Variants in BRD4 observed in about 807,000 individuals in gnomAD.
The protein encoded by BRD4 is bromodomain containing 4, also known as bromodomain-containing protein 4.
A neutral mutation model predicts 142.1 loss-of-function variants in BRD4; 16 were observed. That is an observed-to-expected ratio of 0.11 (90% CI 0.08 to 0.17). BRD4 has a LOEUF of 0.17. Ranked by LOEUF, BRD4 falls within the 10% of genes least tolerant of loss-of-function variation. The pLI is 1.00. For synonymous variants in BRD4, 833 were observed against 707.5 expected (o/e 1.18, Z -2.82); for missense variants, 1,424 against 1,810.9 (o/e 0.79, Z 3.88).
chr19:15,295,926 G>A (rs1172131930), intron 1 of BRD4, among the ~76,000 whole-genome samples: 1 of 152,210 alleles, frequency 6.6e-6, no homozygotes, highest in Non-Finnish European at 1.5e-5. Context: ...AGCTGAGATT[G>A]TGCCACTGCA....
rs2047187467 is a variant in BRD4, at chr19:15,235,679, G to A, written c.*2698C>T. Reference sequence around the variant, plus strand: ...ATTCACTGACATAATTATTGGCCAAGCGATCCGTGCATACAGTACAGTGGG... The same window carrying A: ...ATTCACTGACATAATTATTGGCCAAACGATCCGTGCATACAGTACAGTGGG... On this transcript the variant is annotated 3_prime_UTR_variant, in exon 20 of 20. Coordinates refer to ENST00000679869, the MANE Select transcript of BRD4 (RefSeq NM_001379291.1). 1 of 152,078 alleles carries A rather than the reference G, an allele frequency of 6.6e-6. No individual in the cohort carries two copies. Among genetic ancestry groups the A allele is most frequent in the South Asian group, 2.1e-4 (1 of 4,822 alleles). The allele number at this position is 152,078 out of a possible 1,614,324, so 9.4% of individuals were successfully genotyped here.
rs377487573 is a variant in BRD4, at chr19:15,247,575, CGTGT to C, written c.2159-2817_2159-2814del. ...GTGCACACGTGTGTGCGCGTGCGTG[CGTGT>C]GTCGGGGGCAGCATGCAGGCCCGAC... On this transcript the variant is annotated intron_variant, in intron 11 of 19. Coordinates refer to ENST00000679869, the MANE Select transcript of BRD4 (RefSeq NM_001379291.1). The C allele has an allele frequency of 1.6e-3, 364 of 232,822 alleles. 5 individuals are homozygous for C. Among genetic ancestry groups the C allele is most frequent in the African/African-American group, 7.3e-3 (331 of 45,440 alleles). 14.4% of individuals were successfully genotyped at this position (232,822 alleles called of 1,614,324 possible). A position where few individuals can be genotyped will look rare whatever the true frequency, so the allele number is the denominator to read the frequency against.
In BRD4 at chr19:15,244,225, G is replaced by A. The variant is rs1396148994; in HGVS notation, c.2581+6C>T. The A allele has an allele frequency of 1.3e-6, 2 of 1,553,904 alleles. No homozygotes were observed. The highest frequency in any genetic ancestry group is 2.4e-5 in the East Asian group (1 of 41,960). On this transcript the variant is annotated splice_donor_region_variant and intron_variant, in intron 13 of 19. Transcript: ENST00000679869. The stretch of plus-strand genomic sequence containing the variant: ...TCAACCCACACTGGGGCAGGCCACG[G>A]CTCACCTGGAGGAGAGACCACTGCG...
intron 1 of BRD4, among the ~76,000 whole-genome samples, chr19:15,316,155 CAAAAAAAA>C (rs980486654): frequency 1.8e-4 from 6 of 33,054 alleles, no homozygotes; most frequent in African/African-American, 7.0e-4. Context: ...GACACCGTCT[CAAAAAAAA>C]AAAAAAAAAA....
intron 1 of BRD4, among the ~76,000 whole-genome samples, chr19:15,283,794 G>T: frequency 6.6e-6 from 1 of 152,114 alleles, no homozygotes; most frequent in East Asian, 1.9e-4. Flanking sequence ...GCAGAGCAGC[G>T]GCTGACTCAA....
chr19:15,265,440 G>C lies in BRD4; in HGVS notation c.763C>G (p.Pro255Ala). 1.3e-6 allele frequency: 2 copies of C among 1,575,580 alleles called. No individual in the cohort carries two copies. Among genetic ancestry groups the C allele is most frequent in the Middle Eastern group, 2.1e-4 (1 of 4,754 alleles). The change falls in exon 5 of 20, where the codon CCC becomes GCC. Residue 255 changes from proline to alanine, a missense_variant. Physicochemically the swap from Pro to Ala is conservative, Grantham distance 27. Transcript: ENST00000679869. ...QPLQTPPPVP[P>A]QPQPPPAPAP... ...GGAGCGGGTGGGGGTTGTGGCTGGG[G>C]GGGCACTGGCGGGGGCGTCTGCAGT...
chr19:15,281,166 C>G (rs932979741), intron 1 of BRD4, among the ~76,000 whole-genome samples: 1 of 152,258 alleles, frequency 6.6e-6, no homozygotes, highest in Admixed American at 6.5e-5. Flanking sequence ...TGGCCGTGCG[C>G]CGAGGCAGCT....
chr19:15,297,910 C>T (rs1254278192), intron 1 of BRD4, among the ~76,000 whole-genome samples: 2 of 152,180 alleles, frequency 1.3e-5, no homozygotes, highest in African/African-American at 4.8e-5. Flanking sequence ...CATGTGTGCC[C>T]ATCCACAACC....
At chr19:15,246,575 C>G (rs1246208920) in intron 11 of BRD4, 1 of 152,158 alleles carries the variant, frequency 6.6e-6, no homozygotes, top group African/African-American at 2.4e-5. Context: ...TATGCTGGGG[C>G]TCGCCTGTTG....
intron 1 of BRD4, among the ~76,000 whole-genome samples, chr19:15,311,624 C>CG (rs1259693892): frequency 3.3e-5 from 5 of 150,984 alleles, no homozygotes; most frequent in Non-Finnish European, 7.4e-5. Flanking sequence ...AACCCTGTCT[C>CG]TACTAAAAAT....
At chr19:15,276,575 C>T (rs1599479187) in intron 1 of BRD4, among the ~76,000 whole-genome samples, 1 of 152,228 alleles carries the variant, frequency 6.6e-6, no homozygotes, top group East Asian at 1.9e-4. Context: ...ATGGTCAGCC[C>T]CCTAGGAACC....
At chr19:15,323,563 T>C (rs778281802) in intron 1 of BRD4, among the ~76,000 whole-genome samples, 5 of 152,192 alleles carry the variant, frequency 3.3e-5, no homozygotes, top group Non-Finnish European at 7.3e-5. Flanking sequence ...TGAAGGCTAA[T>C]CCACCCATAG....
At chr19:15,300,390 A>G (rs546338077) in intron 1 of BRD4, among the ~76,000 whole-genome samples, 1 of 144,098 alleles carries the variant, frequency 6.9e-6, no homozygotes, top group South Asian at 2.2e-4. Flanking sequence ...TGTCTCCACT[A>G]AAAAAAAAAA....
At chr19:15,267,992 C>T (rs1041035859) in intron 3 of BRD4, among the ~76,000 whole-genome samples, 1 of 152,212 alleles carries the variant, frequency 6.6e-6, no homozygotes. Flanking sequence ...ACTCTGGGCA[C>T]TGCACATCTC....
chr19:15,255,099 A>G (rs927425053), intron 10 of BRD4, among the ~76,000 whole-genome samples, 198 bp downstream of exon 10: 1 of 151,224 alleles, frequency 6.6e-6, no homozygotes, highest in Non-Finnish European at 1.5e-5. Context: ...CACCAGTCAG[A>G]TATGTAGAAA....
intron 11 of BRD4, among the ~76,000 whole-genome samples, chr19:15,246,041 C>T (rs1414155189): frequency 6.6e-6 from 1 of 152,190 alleles, no homozygotes; most frequent in Non-Finnish European, 1.5e-5. Flanking sequence ...CCAGACAAGA[C>T]ACAGACACAG....
rs1344923297 is a variant in BRD4, at chr19:15,245,367, CAGAG to C, written c.2159-609_2159-606del. 2.0e-5 allele frequency among the ~76,000 whole-genome samples: 3 copies of C among 151,994 alleles called. No homozygotes were observed. The South Asian group carries it at 6.2e-4, about 32-fold the overall frequency. On this transcript the variant is annotated intron_variant, in intron 11 of 19. Transcript: ENST00000679869. ...AGGAACATATCGGCAAGGGAAAACA[CAGAG>C]AGCCCACTCCGGGAGAAAAAAAAGG...
chr19:15,317,851 G>A (rs935428220), intron 1 of BRD4, among the ~76,000 whole-genome samples: 1 of 152,252 alleles, frequency 6.6e-6, no homozygotes, highest in Non-Finnish European at 1.5e-5. Context: ...ACAGATAGCT[G>A]AGCTATTATT....
In BRD4 at chr19:15,265,574, G is replaced by T; in HGVS notation, c.629C>A (p.Thr210Asn). Reference protein sequence around the residue: ...TQASTPPQTQTPQPNPPPVQA... With the variant: ...TQASTPPQTQNPQPNPPPVQA... ...CACAGGAGGAGGATTCGGCTGAGGG[G>T]TCTGGGTCTGCGGAGGAGTCGATGC... The change falls in exon 5 of 20, where the codon ACC becomes AAC. Residue 210 changes from threonine (T) to asparagine (N), a missense_variant. Transcript: ENST00000679869. 1 of 1,614,172 alleles carries T rather than the reference G, an allele frequency of 6.2e-7. No individual in the cohort carries two copies. The highest frequency in any genetic ancestry group is 1.1e-5 in the South Asian group (1 of 91,082).
Sources: gnomAD v4.1 joint callset for allele counts (sites outside exome capture counted in the v4.1 genomes callset) on GRCh38, gnomAD v4.1.1 for gene constraint, MANE v1.5 for transcripts, NCBI Gene and HGNC (gene_info 2026-07-23, HGNC 2026-07-21) for gene names.